Variants in NCAPD3 observed in about 807,000 individuals in gnomAD.
NCAPD3 encodes the protein condensin-2 complex subunit D3.
A neutral mutation model predicts 182.9 loss-of-function variants in NCAPD3; 105 were observed. The observed-to-expected ratio is 0.57, with a 90% CI of 0.49 to 0.68. NCAPD3 has a LOEUF of 0.68. NCAPD3 is among the 30% of genes least tolerant of loss of function. NCAPD3 has a pLI of 0.00. For synonymous variants in NCAPD3, 815 were observed against 679.9 expected, an observed-to-expected ratio of 1.20 and a Z score of -3.09; for missense variants, 1,944 against 1,837.0, an observed-to-expected ratio of 1.06 and a Z score of -1.07.
At chr11:134,221,748 T>C (rs1171337068) in intron 1 of NCAPD3, among the ~76,000 whole-genome samples, 1 of 152,212 alleles carries the variant, frequency 6.6e-6, no homozygotes, top group South Asian at 2.1e-4. Flanking sequence ...AGCATTACAC[T>C]GCACTCGGCA....
At position 134,176,457 on chromosome 11, in the gene NCAPD3, C is replaced by A. The variant is rs139966483; in HGVS notation, c.3022-71G>T. ...CAAGCCTCACTGTTCCCAGCCACACCCCACCCACCACGCGGTCTGTCCCCG... is the reference window on the plus strand; with the variant it reads ...CAAGCCTCACTGTTCCCAGCCACACACCACCCACCACGCGGTCTGTCCCCG... On this transcript the variant is annotated intron_variant, in intron 23 of 34. Coordinates refer to ENST00000534548, the MANE Select transcript of NCAPD3 (RefSeq NM_015261.3). The A allele has an allele frequency of 3.1e-6, 4 of 1,307,890 alleles. No individual in the cohort carries two copies. In the Admixed American group the frequency reaches 5.1e-5, roughly 17 times the overall value. The allele number at this position is 1,307,890 out of a possible 1,614,324, so 81.0% of individuals were successfully genotyped here.
At chr11:134,205,396 T>G (rs76712649) in intron 8 of NCAPD3, among the ~76,000 whole-genome samples, 1 of 151,770 alleles carries the variant, frequency 6.6e-6, no homozygotes, top group Admixed American at 6.6e-5. Context: ...TTTTTTTTTT[T>G]GTAGATGGAG....
rs754829514 is a variant in NCAPD3, at chr11:134,168,486, A to G, written c.3356T>C (p.Ile1119Thr). Residue 1119 changes from isoleucine to threonine, a missense_variant, in exon 26 of 35, where the codon ATC (isoleucine) becomes ACC (threonine). Around this residue, in one of 3 missense-constraint regions of NCAPD3, gnomAD observed 1,803 missense variants for 1,674.6 expected, o/e 1.08. Transcript: ENST00000534548. ...DEQRFNITSK[I>T]CLSILACFAD... ...GGGCTTACCCAAAATACTAAGGCAG[A>G]TTTTGGAAGTGATGTTGAATCGCTG... is the stretch of plus-strand genomic sequence containing the variant. The G allele has an allele frequency of 3.7e-6, 6 of 1,614,192 alleles. No individual in the cohort carries two copies. The highest frequency in any genetic ancestry group is 5.1e-6 in the Non-Finnish European group (6 of 1,180,024).
In NCAPD3 at chr11:134,167,981, G is replaced by A. The variant is rs186664125; in HGVS notation, c.3573+15C>T. 4.3e-6 allele frequency: 7 copies of A among 1,612,126 alleles called. No individual in the cohort carries two copies. In the East Asian group the frequency reaches 8.9e-5, roughly 21 times the overall value. On this transcript the variant is annotated intron_variant, in intron 27 of 34. Coordinates refer to ENST00000534548, the MANE Select transcript of NCAPD3 (RefSeq NM_015261.3). ...CACTTGTGAGAAGATGATCTTAGGG[G>A]AGCAACACACTCACTTGTGAGATGA...
chr11:134,199,086 A>C (rs1350873706), intron 13 of NCAPD3, among the ~76,000 whole-genome samples: 1 of 152,178 alleles, frequency 6.6e-6, no homozygotes, highest in Non-Finnish European at 1.5e-5. Flanking sequence ...ATTGGCAATT[A>C]ATCTTAAAAT....
In NCAPD3 at chr11:134,168,970, G is replaced by A. The variant is rs1360633020; in HGVS notation, c.3186C>T (p.His1062=). 1.2e-6 allele frequency: 2 copies of A among 1,613,992 alleles called. No individual in the cohort carries two copies. The highest frequency in any genetic ancestry group is 4.5e-5 in the East Asian group (2 of 44,876). ...FFQHFIECIF[H]FNNYEKHEKY... ...TCTCATGCTTCTCATAGTTATTAAA[G>A]TGAAAAATACATTCAATGAAGTGTT... Residue 1062 remains histidine (H), a synonymous_variant, in exon 25 of 35, where the codon CAC becomes CAT. Transcript: ENST00000534548.
intron 27 of NCAPD3, among the ~76,000 whole-genome samples, chr11:134,167,217 C>A (rs1232610426): frequency 2.3e-5 from 2 of 88,870 alleles, no homozygotes; most frequent in African/African-American, 4.6e-5. Flanking sequence ...GCAGCACACT[C>A]GTGAGATGAG....
At chr11:134,177,885 T>TTCTTTCTTTCTTTC (rs1555134219) in intron 22 of NCAPD3, 1 of 153,196 alleles carries the variant, frequency 6.5e-6, no homozygotes, top group Non-Finnish European at 1.4e-5. Context: ...CATGTCCCCT[T>TTCTTTCTTTCTTTC]TCTTTCTTTC....
intron 1 of NCAPD3, chr11:134,223,554 G>T: frequency 1.4e-6 from 1 of 696,836 alleles, no homozygotes; most frequent in South Asian, 1.5e-5. Flanking sequence ...ATCTTAATAG[G>T]TAAGAATAGA....
chr11:134,169,024 T>C lies in NCAPD3; in HGVS notation c.3132A>G (p.Leu1044=). 1 of 1,613,952 alleles carries C rather than the reference T, an allele frequency of 6.2e-7. No homozygotes were observed. Among genetic ancestry groups the C allele is most frequent in the Non-Finnish European group, 8.5e-7 (1 of 1,179,942 alleles). The change falls in exon 25 of 35, where the codon TTA becomes TTG. Residue 1044 remains leucine, a synonymous_variant. Transcript: ENST00000534548. ...SFGEFCLAHL[L]LKRNPVMFFQ... Reference sequence around the variant, plus strand: ...AGAACATGACAGGGTTCCTCTTCAGTAACAGGTGAGCCAGGCAAAACTCCC... The same window carrying C: ...AGAACATGACAGGGTTCCTCTTCAGCAACAGGTGAGCCAGGCAAAACTCCC...
rs768140938 is a variant in NCAPD3 at position 134,176,330 on chromosome 11, G to A, written c.3078C>T (p.Ile1026=). Residue 1026 remains isoleucine (I), a synonymous_variant, in exon 24 of 35, where the codon ATC becomes ATT. Coordinates refer to ENST00000534548, the MANE Select transcript of NCAPD3 (RefSeq NM_015261.3). ...ACCTGGCAATGTCTGGGTGTGAATC[G>A]ATCAGAGTGCTGACAAATCGGAAGA... ...SLFFRFVSTL[I]DSHPDIASFG... is the part of the protein sequence containing the mutation. The A allele has an allele frequency of 3.7e-6, 6 of 1,614,054 alleles. No individual in the cohort carries two copies. The highest frequency in any genetic ancestry group is 5.1e-6 in the Non-Finnish European group (6 of 1,179,954).
chr11:134,195,487 A>C (rs778308953), intron 13 of NCAPD3, among the ~76,000 whole-genome samples: 9 of 152,248 alleles, frequency 5.9e-5, no homozygotes, highest in Non-Finnish European at 1.2e-4. Flanking sequence ...TAAACTGAGA[A>C]TTGTAAAAAT....
intron 23 of NCAPD3, among the ~76,000 whole-genome samples, 171 bp from the exon 24 acceptor site, chr11:134,176,557 A>G (rs1218444817): frequency 6.6e-6 from 1 of 152,156 alleles, no homozygotes; most frequent in East Asian, 1.9e-4. Context: ...TGTGCAGAAC[A>G]ACATCACCCT....
chr11:134,189,316 ATTTCT>A (rs1048572718), intron 16 of NCAPD3, among the ~76,000 whole-genome samples: 1 of 151,964 alleles, frequency 6.6e-6, no homozygotes, highest in African/African-American at 2.4e-5. Context: ...AAATTTTAGC[ATTTCT>A]TTTCCTCAAG....
At chr11:134,161,334 C>T (rs1293489080) in intron 28 of NCAPD3, among the ~76,000 whole-genome samples, 1 of 152,170 alleles carries the variant, frequency 6.6e-6, no homozygotes, top group African/African-American at 2.4e-5. Flanking sequence ...AGAATTCAGC[C>T]TGGTGATGGC....
intron 12 of NCAPD3, 84 bp from the exon 13 acceptor site, chr11:134,202,989 TACA>T (rs1223094746): frequency 3.2e-6 from 4 of 1,237,022 alleles, no homozygotes; most frequent in Non-Finnish European, 4.6e-6. Flanking sequence ...TCATTTAAGT[TACA>T]ACATTATTAC....
intron 27 of NCAPD3, among the ~76,000 whole-genome samples, chr11:134,164,676 G>C (rs1009163258): frequency 2.3e-4 from 35 of 151,206 alleles, no homozygotes; most frequent in African/African-American, 6.3e-4. Flanking sequence ...TGGGGGAGCT[G>C]CACACTCACT....
At chr11:134,180,958 T>C in intron 20 of NCAPD3, 119 bp downstream of exon 20, 1 of 662,164 alleles carries the variant, frequency 1.5e-6, no homozygotes, top group East Asian at 2.8e-5. Flanking sequence ...AAGTAAGCTC[T>C]AGGCTAAGAC....
intron 29 of NCAPD3, among the ~76,000 whole-genome samples, chr11:134,159,156 CCTTT>C (rs1387467822): frequency 1.3e-5 from 2 of 152,200 alleles, no homozygotes; most frequent in Non-Finnish European, 2.9e-5. Context: ...ATCCTGATTT[CCTTT>C]CTTTTGACTA....
Sources: gnomAD v4.1 joint callset for allele counts (sites outside exome capture counted in the v4.1 genomes callset) on GRCh38, gnomAD v4.1.1 for gene constraint, gnomAD v4.1.1 regional missense constraint, MANE v1.5 for transcripts, NCBI Gene and HGNC (gene_info 2026-07-23, HGNC 2026-07-21) for gene names.